The following MSRA variants were observed in gnomAD, a reference collection of about 807,000 sequenced individuals.
MSRA encodes mitochondrial peptide methionine sulfoxide reductase.
A neutral mutation model predicts 31.3 loss-of-function variants in MSRA; 54 were observed. The ratio of observed to expected loss-of-function variants is 1.73; its 90% CI spans 1.39 to 2.17. The LOEUF (loss-of-function observed/expected upper bound fraction) is 2.17, where lower values mean the gene tolerates loss of function less well. Among genes scored for constraint, MSRA ranks in the 30% most tolerant of loss-of-function variants. MSRA has a pLI of 0.00. For missense variants in MSRA, 507 were observed against 300.9 expected (o/e 1.69, Z -5.07); for synonymous variants, 169 against 116.5 (o/e 1.45, Z -2.90).
At chr8:10,159,102 A>C (rs1219443404) in intron 1 of MSRA, among the ~76,000 whole-genome samples, 2 of 152,362 alleles carry the variant, frequency 1.3e-5, no homozygotes, top group Non-Finnish European at 1.5e-5. Context: ...GATGGATGGC[A>C]GCAGACAGGC....
chr8:10,072,704 A>G (rs186432163), intron 1 of MSRA, among the ~76,000 whole-genome samples: 1 of 152,260 alleles, frequency 6.6e-6, no homozygotes, highest in Non-Finnish European at 1.5e-5. Context: ...TGTCTTTATT[A>G]TGCTGAGTCT....
chr8:10,326,284 A>G (rs1390801485), intron 5 of MSRA, among the ~76,000 whole-genome samples: 1 of 152,204 alleles, frequency 6.6e-6, no homozygotes, highest in Non-Finnish European at 1.5e-5. Context: ...AAATTAGCTG[A>G]TTTTATCACA....
At chr8:10,241,014 T>TC (rs34792624) in intron 2 of MSRA, among the ~76,000 whole-genome samples, 1 of 152,066 alleles carries the variant, frequency 6.6e-6, no homozygotes. Context: ...TGTGCATGAT[T>TC]CCCGATGTAC....
chr8:10,203,785 A>G (rs1808710647), intron 1 of MSRA, among the ~76,000 whole-genome samples: 1 of 152,226 alleles, frequency 6.6e-6, no homozygotes, highest in South Asian at 2.1e-4. Flanking sequence ...AGGTGTCCAG[A>G]AGGAGACATT....
intron 5 of MSRA, among the ~76,000 whole-genome samples, chr8:10,389,532 C>CA (rs1302267619): frequency 3.3e-5 from 5 of 152,164 alleles, no homozygotes; most frequent in African/African-American, 1.2e-4. Context: ...ATTCTTTTAA[C>CA]AAAAAATGAG....
intron 3 of MSRA, among the ~76,000 whole-genome samples, chr8:10,265,830 T>C (rs940515957): frequency 5.9e-5 from 9 of 152,230 alleles, no homozygotes; most frequent in African/African-American, 2.2e-4. Context: ...CAGGTGTGTT[T>C]GCATTTTGTA....
chr8:10,299,930 A>G (rs921746169), intron 3 of MSRA, among the ~76,000 whole-genome samples: 1 of 152,248 alleles, frequency 6.6e-6, no homozygotes, highest in Admixed American at 6.5e-5. Context: ...ATTTACATTT[A>G]TGGATAAAAA....
intron 3 of MSRA, among the ~76,000 whole-genome samples, chr8:10,284,045 G>A (rs1799800616): frequency 6.6e-6 from 1 of 151,676 alleles, no homozygotes; most frequent in South Asian, 2.1e-4. Flanking sequence ...TCAAATGGTA[G>A]TTCTACTTTT....
intron 1 of MSRA, among the ~76,000 whole-genome samples, chr8:10,193,790 T>G (rs1003654233): frequency 7.9e-5 from 12 of 152,290 alleles, no homozygotes; most frequent in African/African-American, 2.9e-4. Context: ...TGGGACCAAG[T>G]CTGCTATCTC....
chr8:10,252,024 G>A (rs962909038), intron 3 of MSRA, among the ~76,000 whole-genome samples: 2 of 152,174 alleles, frequency 1.3e-5, no homozygotes, highest in Non-Finnish European at 2.9e-5. Flanking sequence ...TTTGAACTCG[G>A]TAAGATTCAA....
intron 1 of MSRA, among the ~76,000 whole-genome samples, chr8:10,161,684 C>T (rs1010882661): frequency 5.3e-5 from 8 of 152,042 alleles, no homozygotes; most frequent in South Asian, 2.1e-4. Context: ...GCAGGAGACC[C>T]GGGTTCTGCA....
chr8:10,159,507 G>A (rs1302115164), intron 1 of MSRA, among the ~76,000 whole-genome samples: 1 of 152,160 alleles, frequency 6.6e-6, no homozygotes, highest in Non-Finnish European at 1.5e-5. Flanking sequence ...TGATGCTTTT[G>A]CCCTTTTAGA....
chr8:10,110,839 G>C (rs1028569690), intron 1 of MSRA, among the ~76,000 whole-genome samples: 1 of 152,148 alleles, frequency 6.6e-6, no homozygotes, highest in East Asian at 1.9e-4. Flanking sequence ...ATTTCGACAC[G>C]TGGCAGCCTT....
intron 1 of MSRA, among the ~76,000 whole-genome samples, chr8:10,076,376 A>T (rs1171022057): frequency 6.6e-6 from 1 of 152,178 alleles, no homozygotes; most frequent in African/African-American, 2.4e-5. Flanking sequence ...GCTAAGCTGT[A>T]GGTGCACATG....
chr8:10,185,727 G>A (rs1233773326), intron 1 of MSRA, among the ~76,000 whole-genome samples: 1 of 152,150 alleles, frequency 6.6e-6, no homozygotes, highest in Non-Finnish European at 1.5e-5. Context: ...CCTGGATGAG[G>A]CCTGAACTGA....
chr8:10,184,563 G>A (rs6990362), intron 1 of MSRA, among the ~76,000 whole-genome samples: 12,013 of 151,892 alleles, frequency 0.079, 1,154 homozygotes, highest in African/African-American at 0.23. Flanking sequence ...TTCCCTGATC[G>A]GTTTTTTTAG....
chr8:10,192,980 T>G (rs1807645519), intron 1 of MSRA, among the ~76,000 whole-genome samples: 1 of 152,234 alleles, frequency 6.6e-6, no homozygotes, highest in Non-Finnish European at 1.5e-5. Context: ...CCCAGAAACC[T>G]TCTCAACAAT....
chr8:10,419,890 C>T (rs1808707846), intron 5 of MSRA, among the ~76,000 whole-genome samples: 1 of 152,164 alleles, frequency 6.6e-6, no homozygotes, highest in Non-Finnish European at 1.5e-5. Context: ...AAGCCATATG[C>T]TTGGGGCAAG....
At chr8:10,387,086 T>A (rs187273435) in intron 5 of MSRA, among the ~76,000 whole-genome samples, 6 of 152,140 alleles carry the variant, frequency 3.9e-5, no homozygotes, top group Non-Finnish European at 8.8e-5. Flanking sequence ...CAGAGGCAGC[T>A]GCTGCTGCTG....
Sources: gnomAD v4.1 joint callset for allele counts (sites outside exome capture counted in the v4.1 genomes callset) on GRCh38, gnomAD v4.1.1 for gene constraint, MANE v1.5 for transcripts, NCBI Gene and HGNC (gene_info 2026-07-23, HGNC 2026-07-21) for gene names.